The following GOLGA8O variants were observed in gnomAD, a reference collection of about 807,000 sequenced individuals.
The protein encoded by GOLGA8O is golgin subfamily A member 8O.
A neutral mutation model predicts 29.7 loss-of-function variants in GOLGA8O; 4 were observed. The observed-to-expected ratio is 0.13, with a 90% CI of 0.07 to 0.31. The LOEUF (loss-of-function observed/expected upper bound fraction) is 0.31. Ranked by LOEUF, GOLGA8O falls within the 10% of genes least tolerant of loss-of-function variation. The probability of loss-of-function intolerance (pLI) is 1.00; values close to 1 mark genes in which losing one functional copy is unlikely to be tolerated. For synonymous variants in GOLGA8O, 6 were observed against 78.0 expected, an observed-to-expected ratio of 0.08 and a Z score of 4.87; for missense variants, 32 against 216.5, an observed-to-expected ratio of 0.15 and a Z score of 5.35.
In GOLGA8O at chr15:32,450,557, G is replaced by A. The variant is rs201463434; in HGVS notation, c.591+356C>T. ...CACACACACACACACACACATGCAC[G>A]CGTTTCCTCTTTCTACAGAAATGGT... is the stretch of plus-strand genomic sequence containing the variant. On this transcript the variant is annotated intron_variant, in intron 8 of 18. Coordinates refer to ENST00000509311, the MANE Select transcript of GOLGA8O (RefSeq NM_001277308.1). 4.1e-3 allele frequency among the ~76,000 whole-genome samples: 471 copies of A among 115,238 alleles called. 1 individual carries two copies. Among genetic ancestry groups the A allele is most frequent in the Non-Finnish European group, 4.8e-3 (251 of 52,134 alleles). The allele number at this position is 115,238 out of a possible 152,430, so 75.6% of individuals were successfully genotyped here. A position where few individuals can be genotyped will look rare whatever the true frequency, so the allele number is the denominator to read the frequency against.
chr15:32,451,504 C>G, intron 5 of GOLGA8O, 97 bp downstream of exon 5: 1 of 1,594,020 alleles, frequency 6.3e-7, no homozygotes, highest in Non-Finnish European at 8.5e-7. Context: ...GAGCCTTCTT[C>G]CCCAAGCTGG....
intron 5 of GOLGA8O, 43 bp downstream of exon 5, chr15:32,451,558 C>A (rs2055133073): frequency 3.8e-6 from 6 of 1,593,488 alleles, no homozygotes; most frequent in East Asian, 2.2e-5. Context: ...TGAGTGCCCC[C>A]CAAACCCAGC....
chr15:32,446,697 ATTTT>A (rs2055088012), intron 14 of GOLGA8O, 132 bp from the exon 15 acceptor site: 1 of 621,084 alleles, frequency 1.6e-6, no homozygotes, highest in African/African-American at 4.1e-5. Context: ...GTTGTTCTTT[ATTTT>A]TACTTTTAAG....
At chr15:32,450,755 G>A (rs866107176) in intron 8 of GOLGA8O, among the ~76,000 whole-genome samples, 158 bp downstream of exon 8, 740 of 141,426 alleles carry the variant, frequency 5.2e-3, no homozygotes, top group African/African-American at 0.016. Context: ...CAGCTGACTC[G>A]GCCCCAGGCT....
At chr15:32,460,758 C>T in the GOLGA8O span, among the ~76,000 whole-genome samples, 1 of 95,670 alleles carries the variant, frequency 1.0e-5, no homozygotes, top group Non-Finnish European at 2.2e-5. Flanking sequence ...TACGATGAAA[C>T]AGCCAAGTAG....
intron 15 of GOLGA8O, among the ~76,000 whole-genome samples, 186 bp downstream of exon 15, chr15:32,446,288 C>G (rs2055076490): frequency 3.7e-5 from 5 of 135,738 alleles, no homozygotes; most frequent in Admixed American, 7.5e-5. Context: ...TGGAGCGCAG[C>G]CCCTTCCCTT....
chr15:32,451,461 G>A lies in GOLGA8O; in HGVS notation c.349-123C>T, dbSNP rs549756083. 5.1e-4 allele frequency: 658 copies of A among 1,295,884 alleles called. 48 individuals are homozygous for A. The African/African-American group carries it at 7.8e-3, about 15-fold the overall frequency. The allele number at this position is 1,295,884 out of a possible 1,614,324, so 80.3% of individuals were successfully genotyped here. A position where few individuals can be genotyped will look rare whatever the true frequency, so the allele number is the denominator to read the frequency against. On this transcript the variant is annotated intron_variant, in intron 5 of 18. Transcript: ENST00000509311. ...CCACCCATGGGACCAGGTTATCAGG[G>A]GCCCTGTGGGGATGGGGTGGAATCT...
chr15:32,458,921 AT>A (rs2055209291), upstream of GOLGA8O, among the ~76,000 whole-genome samples: 1 of 89,492 alleles, frequency 1.1e-5, no homozygotes, highest in Non-Finnish European at 2.3e-5. Context: ...CACTGAGATT[AT>A]AGGTGTGAGC....
chr15:32,446,140 CCT>C (rs2055074270), intron 15 of GOLGA8O: 1 of 60,034 alleles, frequency 1.7e-5, no homozygotes, highest in Non-Finnish European at 3.6e-5. Context: ...GGCAGCACAC[CCT>C]CTGCTCTTTC....
chr15:32,450,500 G>C (rs1300410077), intron 8 of GOLGA8O, among the ~76,000 whole-genome samples: 1 of 135,682 alleles, frequency 7.4e-6, no homozygotes, highest in African/African-American at 2.7e-5. Context: ...CATGTTTTAT[G>C]TATATTATCA....
intron 8 of GOLGA8O, among the ~76,000 whole-genome samples, chr15:32,450,604 T>C (rs2055110942): frequency 6.6e-6 from 1 of 150,618 alleles, no homozygotes; most frequent in African/African-American, 2.4e-5. Flanking sequence ...GGTACTCTTC[T>C]GTACCTTCAC....
chr15:32,451,428 G>C, intron 5 of GOLGA8O, 90 bp from the exon 6 acceptor site: 1 of 674,704 alleles, frequency 1.5e-6, no homozygotes, highest in Non-Finnish European at 2.6e-6. Flanking sequence ...CAATGCCCCA[G>C]GACAGGCCCA....
At chr15:32,450,540 C>T (rs1299846193) in intron 8 of GOLGA8O, among the ~76,000 whole-genome samples, 1 of 143,980 alleles carries the variant, frequency 6.9e-6, no homozygotes, top group Non-Finnish European at 1.5e-5. Flanking sequence ...CACACACACA[C>T]ACACACACAC....
intron 5 of GOLGA8O, 99 bp downstream of exon 5, chr15:32,451,502 T>G (rs1193684678): frequency 1.9e-6 from 3 of 1,592,828 alleles, no homozygotes; most frequent in Admixed American, 3.4e-5. Context: ...GTGAGCCTTC[T>G]TCCCCAAGCT....
At chr15:32,458,630 T>G (rs1472247406), upstream of GOLGA8O, among the ~76,000 whole-genome samples, 6 of 39,058 alleles carry the variant, frequency 1.5e-4, no homozygotes, top group Admixed American at 1.3e-3. Context: ...TATTTTTATT[T>G]TTATTTATTT....
upstream of GOLGA8O, among the ~76,000 whole-genome samples, chr15:32,458,860 T>A (rs1338907133): frequency 1.1e-3 from 105 of 93,056 alleles, no homozygotes; most frequent in African/African-American, 5.2e-3. Flanking sequence ...TTGCCCAAAC[T>A]AGTCTTGAGC....
chr15:32,458,865 T>G (rs987503481), upstream of GOLGA8O, among the ~76,000 whole-genome samples: 1 of 95,242 alleles, frequency 1.0e-5, no homozygotes, highest in African/African-American at 4.9e-5. Context: ...CAAACTAGTC[T>G]TGAGCTCCTG....
chr15:32,445,570 T>TC lies in GOLGA8O; in HGVS notation c.1567+47dup. Reference sequence around the variant, plus strand: ...GCCATGCCGCTGCCTGCGCCCACCCTCACACCCACCCCCACCCCCACCCCC... The same window carrying TC: ...GCCATGCCGCTGCCTGCGCCCACCCTCCACACCCACCCCCACCCCCACCCCC... On this transcript the variant is annotated intron_variant, in intron 17 of 18. Coordinates refer to ENST00000509311, the MANE Select transcript of GOLGA8O (RefSeq NM_001277308.1). 17 of 11,428 alleles carry TC rather than the reference T, an allele frequency of 1.5e-3. 3 individuals carry two copies. Among genetic ancestry groups the TC allele is most frequent in the South Asian group, 4.4e-3 (9 of 2,040 alleles). The allele number at this position is 11,428 out of a possible 1,614,324, so 0.7% of individuals were successfully genotyped here.
intron 15 of GOLGA8O, among the ~76,000 whole-genome samples, 162 bp downstream of exon 15, chr15:32,446,312 G>C (rs866121687): frequency 1.9e-4 from 26 of 139,584 alleles, no homozygotes; most frequent in African/African-American, 3.3e-4. Flanking sequence ...GCCTCAGAGA[G>C]TGCACCTGTT....
Sources: gnomAD v4.1 joint callset for allele counts (sites outside exome capture counted in the v4.1 genomes callset) on GRCh38, gnomAD v4.1.1 for gene constraint, MANE v1.5 for transcripts, NCBI Gene and HGNC (gene_info 2026-07-23, HGNC 2026-07-21) for gene names.